Variants in NF1 observed in about 807,000 individuals in gnomAD.
The protein encoded by NF1 is neurofibromin.
A neutral mutation model predicts 325.7 loss-of-function variants in NF1; 122 were observed. The ratio of observed to expected loss-of-function variants is 0.37; its 90% CI spans 0.32 to 0.44. NF1 has a LOEUF of 0.44. Among genes scored for constraint, NF1 ranks in the 20% least tolerant of loss-of-function variants. The pLI, the probability that NF1 is intolerant of heterozygous loss-of-function variation, is 1.00. For synonymous variants in NF1, 1,091 were observed against 1,186.0 expected (o/e 0.92, Z 1.65); for missense variants, 2,140 against 3,415.4 (o/e 0.63, Z 9.31).
At chr17:31,342,546 C>G (rs1467447529) in intron 47 of NF1, among the ~76,000 whole-genome samples, 1 of 152,090 alleles carries the variant, frequency 6.6e-6, no homozygotes, top group African/African-American at 2.4e-5. Context: ...CAAGGTGGTG[C>G]CACTGCACTC....
rs1218868447 is a variant in NF1 at position 31,229,660 on chromosome 17, G to A, written c.2851-175G>A. The A allele has an allele frequency of 5.2e-6, 5 of 953,698 alleles. No individual in the cohort carries two copies. The Middle Eastern group carries it at 9.7e-4, about 186-fold the overall frequency. The allele number at this position is 953,698 out of a possible 1,614,324, so 59.1% of individuals were successfully genotyped here. ...ACTCTGGTGTGTATGTGTGCCTAAG[G>A]GTATACGTGCCCTGTGTATGGGTAC... On this transcript the variant is annotated intron_variant, in intron 21 of 57. Transcript: ENST00000358273.
chr17:31,276,002 G>A (rs2151480187), intron 36 of NF1, among the ~76,000 whole-genome samples: 1 of 152,186 alleles, frequency 6.6e-6, no homozygotes, highest in Middle Eastern at 3.4e-3. Context: ...GAGGTCAGGA[G>A]ATGGAGACCA....
In NF1 at chr17:31,175,107, CAAAAAAA is replaced by C. The variant is rs1171161386; in HGVS notation, c.586+5129_586+5135del. Among the ~76,000 whole-genome samples the C allele has an allele frequency of 2.4e-4, 7 of 29,044 alleles. No individual in the cohort carries two copies. In the South Asian group the frequency reaches 7.9e-3, roughly 33 times the overall value. The allele number at this position is 29,044 out of a possible 152,430, so 19.1% of individuals were successfully genotyped here. A position where few individuals can be genotyped will look rare whatever the true frequency, so the allele number is the denominator to read the frequency against. On this transcript the variant is annotated intron_variant, in intron 5 of 57. Coordinates refer to ENST00000358273, the MANE Select transcript of NF1 (RefSeq NM_001042492.3). ...TGAGCGACAGAGCAAGACTCCATCTCAAAAAAAAAAAAAAAAAAAAAAAAAGAGTTTT... is the reference window on the plus strand; with the variant it reads ...TGAGCGACAGAGCAAGACTCCATCTCAAAAAAAAAAAAAAAAAAGAGTTTT...
intron 36 of NF1, chr17:31,317,665 C>T (rs943262284): frequency 2.0e-5 from 3 of 152,026 alleles, no homozygotes; most frequent in Non-Finnish European, 4.4e-5. Context: ...TATACGTGGT[C>T]ACAGGTTTAT....
chr17:31,296,345 C>G (rs1193051274), intron 36 of NF1: 8 of 1,613,842 alleles, frequency 5.0e-6, no homozygotes, highest in Non-Finnish European at 6.8e-6. Context: ...AGCCTAGAAA[C>G]AAACAGATAC....
chr17:31,316,203 G>A (rs756293017), intron 36 of NF1, among the ~76,000 whole-genome samples: 2 of 152,148 alleles, frequency 1.3e-5, no homozygotes, highest in Non-Finnish European at 2.9e-5. Flanking sequence ...TTAAATCCCT[G>A]AATTAAGCTG....
intron 1 of NF1, among the ~76,000 whole-genome samples, chr17:31,100,298 A>G (rs1253488204): frequency 1.3e-5 from 2 of 152,168 alleles, no homozygotes; most frequent in African/African-American, 4.8e-5. Context: ...TACAAACCAC[A>G]TACTGATTAG....
At chr17:31,314,352 C>A in intron 36 of NF1, 1 of 197,470 alleles carries the variant, frequency 5.1e-6, no homozygotes, top group Non-Finnish European at 1.0e-5. Context: ...GAAAAGCTGC[C>A]AGTTGGGTTA....
intron 36 of NF1, chr17:31,295,710 C>A: frequency 6.2e-7 from 1 of 1,614,062 alleles, no homozygotes; most frequent in South Asian, 1.1e-5. Context: ...AAAGATTGGT[C>A]TGGAATGAAT....
At chr17:31,320,448 C>G (rs760343267) in intron 36 of NF1, 1 of 1,609,122 alleles carries the variant, frequency 6.2e-7, no homozygotes, top group Non-Finnish European at 8.5e-7. Flanking sequence ...CACTGCTAGT[C>G]AGGCTTTTGA....
intron 1 of NF1, among the ~76,000 whole-genome samples, chr17:31,154,865 G>A (rs1002186783): frequency 1.3e-5 from 2 of 150,520 alleles, no homozygotes; most frequent in African/African-American, 4.9e-5. Flanking sequence ...TCAGCCTCCC[G>A]AGTAGCTTGG....
rs17880646 is a variant in NF1 at position 31,285,957 on chromosome 17, C to T, written c.4835+20618C>T. On this transcript the variant is annotated intron_variant, in intron 36 of 57. Transcript: ENST00000358273. Reference sequence around the variant, plus strand: ...ACCTGACTACTTTGAAGAAATAATACAGAAAATGAGGTGTATCATGTGTGA... The same window carrying T: ...ACCTGACTACTTTGAAGAAATAATATAGAAAATGAGGTGTATCATGTGTGA... Among the ~76,000 whole-genome samples the T allele has an allele frequency of 9.5e-3, 1,441 of 152,060 alleles. 24 individuals carry two copies. The highest frequency in any genetic ancestry group is 0.033 in the African/African-American group (1,357 of 41,498).
chr17:31,361,728 G>A (rs1051011842), intron 57 of NF1: 15 of 152,162 alleles, frequency 9.9e-5, no homozygotes, highest in Admixed American at 9.8e-4. Flanking sequence ...TCAATAAATA[G>A]AATTCCCAGT....
Position 31,305,159 on chromosome 17 carries a change from A to T in NF1, c.4836-20661A>T, listed in dbSNP as rs561268309. On this transcript the variant is annotated intron_variant, in intron 36 of 57. Coordinates refer to ENST00000358273, the MANE Select transcript of NF1 (RefSeq NM_001042492.3). ...TTTCTAGAAGGGATCTGGACAGATG[A>T]TGATTGTTGAGTAAAAGTATAGACA... 1.4e-5 allele frequency: 23 copies of T among 1,614,154 alleles called. No homozygotes were observed. The East Asian group carries it at 4.5e-4, about 31-fold the overall frequency.
chr17:31,260,546 C>T lies in NF1; in HGVS notation c.4577+31C>T, dbSNP rs758153346. On this transcript the variant is annotated intron_variant, in intron 34 of 57. Transcript: ENST00000358273. ...ATTTCCCAGTCATGGGGATAGTGAA[C>T]ACTCTCCGTTTAAATTTAGATTAAT... The T allele has an allele frequency of 6.8e-6, 11 of 1,611,914 alleles. No individual in the cohort carries two copies. In the East Asian group the frequency reaches 1.1e-4, roughly 16 times the overall value.
chr17:31,341,617 G>GTGTGTATA (rs35130430), intron 47 of NF1, among the ~76,000 whole-genome samples: 6 of 148,268 alleles, frequency 4.0e-5, no homozygotes, highest in African/African-American at 1.5e-4. Flanking sequence ...GTGTGTGTGT[G>GTGTGTATA]TGTACACACA....
intron 36 of NF1, among the ~76,000 whole-genome samples, chr17:31,287,210 G>A (rs1421439911): frequency 6.6e-6 from 1 of 150,770 alleles, no homozygotes; most frequent in Non-Finnish European, 1.5e-5. Context: ...TTCTAATCTT[G>A]TTAACTACCC....
chr17:31,267,918 G>T (rs2067820217), intron 36 of NF1, among the ~76,000 whole-genome samples: 1 of 152,136 alleles, frequency 6.6e-6, no homozygotes, highest in Non-Finnish European at 1.5e-5. Context: ...TTACCTGTGA[G>T]ATCCTGGGCA....
intron 36 of NF1, chr17:31,294,859 A>G (rs2068427167): frequency 3.2e-5 from 32 of 988,294 alleles, no homozygotes; most frequent in Non-Finnish European, 4.8e-5. Context: ...ATTTAAGACA[A>G]GTTACTTCAT....
Sources: gnomAD v4.1 joint callset for allele counts (sites outside exome capture counted in the v4.1 genomes callset) on GRCh38, gnomAD v4.1.1 for gene constraint, MANE v1.5 for transcripts, NCBI Gene and HGNC (gene_info 2026-07-23, HGNC 2026-07-21) for gene names.